Variants in DLGAP1 observed in about 807,000 individuals in gnomAD.
DLGAP1 encodes the protein disks large-associated protein 1.
In DLGAP1, 11 loss-of-function variants were observed where a neutral mutation model predicts 90.8. The ratio of observed to expected loss-of-function variants is 0.12; its 90% confidence interval spans 0.08 to 0.20. DLGAP1 has a LOEUF of 0.20. DLGAP1 is among the 10% of genes least tolerant of loss of function. DLGAP1 has a pLI of 1.00. For synonymous variants in DLGAP1, 558 were observed against 540.7 expected (o/e 1.03, Z -0.44); for missense variants, 1,050 against 1,333.8 (o/e 0.79, Z 3.31).
At chr18:3,745,133 A>G (rs1157313624) in intron 5 of DLGAP1, among the ~76,000 whole-genome samples, 1 of 152,240 alleles carries the variant, frequency 6.6e-6, no homozygotes, top group Non-Finnish European at 1.5e-5. Context: ...GAATAGGCAA[A>G]TCGCTAAAGA....
chr18:4,000,367 T>C (rs55789981), intron 3 of DLGAP1, among the ~76,000 whole-genome samples: 7,806 of 152,272 alleles, frequency 0.051, 260 homozygotes, highest in African/African-American at 0.073. Flanking sequence ...TCACAGAGCT[T>C]ATTCTACTTT....
rs567348666 is a variant in DLGAP1, at chr18:4,133,029, G to T, written c.-159+18151C>A. Reference sequence around the variant, plus strand: ...ACTTACTTTCTTCATCTTTGAAATGGGGGTAGAACTGTTTCAGCAAGATTT... The same window carrying T: ...ACTTACTTTCTTCATCTTTGAAATGTGGGTAGAACTGTTTCAGCAAGATTT... On this transcript the variant is annotated intron_variant, in intron 2 of 12. Coordinates refer to ENST00000315677, the MANE Select transcript of DLGAP1 (RefSeq NM_004746.4). Among the ~76,000 whole-genome samples the T allele has an allele frequency of 9.2e-4, 140 of 152,264 alleles. No individual in the cohort carries two copies. In the Middle Eastern group the frequency reaches 0.017, roughly 18 times the overall value.
At chr18:4,337,682 C>A (rs2081100580) in intron 1 of DLGAP1, among the ~76,000 whole-genome samples, 1 of 151,962 alleles carries the variant, frequency 6.6e-6, no homozygotes, top group Non-Finnish European at 1.5e-5. Flanking sequence ...AATTGACCAG[C>A]CGAAACCAAA....
chr18:4,205,923 G>C (rs1175122490), intron 1 of DLGAP1, among the ~76,000 whole-genome samples: 1 of 152,202 alleles, frequency 6.6e-6, no homozygotes, highest in African/African-American at 2.4e-5. Context: ...GATGGGCGTG[G>C]GGGTAGAGGG....
chr18:3,905,366 C>CAAAAAAA lies in DLGAP1; in HGVS notation c.-72-25233_-72-25227dup, dbSNP rs71160924. Among the ~76,000 whole-genome samples the CAAAAAAA allele has an allele frequency of 3.1e-3, 61 of 19,822 alleles. 1 individual carries two copies. Among genetic ancestry groups the CAAAAAAA allele is most frequent in the Non-Finnish European group, 3.9e-3 (43 of 11,064 alleles). 13.0% of individuals were successfully genotyped at this position (19,822 alleles called of 152,430 possible). A position where few individuals can be genotyped will look rare whatever the true frequency, so the allele number is the denominator to read the frequency against. ...TGGGCAACAGAGTGAGACTCCATCT[C>CAAAAAAA]AAAAAAAAAAAAAAAAAAAAAAAAA... On this transcript the variant is annotated intron_variant, in intron 3 of 12. Transcript: ENST00000315677.
chr18:4,404,278 T>C (rs1025369003), intron 1 of DLGAP1, among the ~76,000 whole-genome samples: 1 of 152,212 alleles, frequency 6.6e-6, no homozygotes, highest in Non-Finnish European at 1.5e-5. Flanking sequence ...TTAATAGCAT[T>C]AGATAACTCA....
chr18:3,949,875 T>C lies in DLGAP1; in HGVS notation c.-73+55241A>G, dbSNP rs968001846. 5.3e-5 allele frequency among the ~76,000 whole-genome samples: 8 copies of C among 151,672 alleles called. 1 individual carries two copies. The highest frequency in any genetic ancestry group is 5.3e-4 in the Admixed American group (8 of 15,236). On this transcript the variant is annotated intron_variant, in intron 3 of 12. Coordinates refer to ENST00000315677, the MANE Select transcript of DLGAP1 (RefSeq NM_004746.4). ...AATATATCTTATTGAAGACCACCTG[T>C]CTACACCTTTTTTAGTCCACATGAT... is the stretch of plus-strand genomic sequence containing the variant.
At chr18:3,754,723 C>CAAAAAAAAAA (rs1161245616) in intron 5 of DLGAP1, among the ~76,000 whole-genome samples, 3 of 58,764 alleles carry the variant, frequency 5.1e-5, no homozygotes, top group Admixed American at 2.3e-4. Flanking sequence ...TACTAAAATA[C>CAAAAAAAAAA]AAAAAAAAAA....
intron 3 of DLGAP1, among the ~76,000 whole-genome samples, chr18:3,892,828 G>T (rs544403844): frequency 6.6e-6 from 1 of 150,598 alleles, no homozygotes; most frequent in African/African-American, 2.4e-5. Flanking sequence ...TGCAATTCCT[G>T]TTCCATATTT....
chr18:4,042,612 C>T lies in DLGAP1; in HGVS notation c.-158-37411G>A, dbSNP rs564631749. Among the ~76,000 whole-genome samples the T allele has an allele frequency of 1.8e-4, 28 of 152,204 alleles. No individual in the cohort carries two copies. The South Asian group carries it at 5.0e-3, about 27-fold the overall frequency. ...AAATTAGCTGGTCAGGGGTGGCGTGCGCCTGTAGTCCTAGCTGTTCGGGAG... is the reference window on the plus strand; with the variant it reads ...AAATTAGCTGGTCAGGGGTGGCGTGTGCCTGTAGTCCTAGCTGTTCGGGAG... On this transcript the variant is annotated intron_variant, in intron 2 of 12. Transcript: ENST00000315677.
rs548518837 is a variant in DLGAP1 at position 4,084,691 on chromosome 18, C to T, written c.-159+66489G>A. The stretch of plus-strand genomic sequence containing the variant: ...TTCTCCACGATTATCTACTTATTTA[C>T]CAAACTTAGCATAAAAATACATGGG... On this transcript the variant is annotated intron_variant, in intron 2 of 12. Transcript: ENST00000315677. The surrounding 1 kb of genome is among the most constrained non-coding windows in gnomAD (Gnocchi z 4.0). 1.3e-5 allele frequency among the ~76,000 whole-genome samples: 2 copies of T among 152,300 alleles called. No homozygotes were observed. Among genetic ancestry groups the T allele is most frequent in the East Asian group, 1.9e-4 (1 of 5,190 alleles).
At chr18:3,710,264 T>G (rs1050371512) in intron 7 of DLGAP1, among the ~76,000 whole-genome samples, 2 of 152,090 alleles carry the variant, frequency 1.3e-5, no homozygotes, top group African/African-American at 4.8e-5. Context: ...TTAGGGAAAA[T>G]GATTTGAGGG....
At chr18:3,740,644 T>A (rs1473510829) in intron 6 of DLGAP1, among the ~76,000 whole-genome samples, 2 of 152,016 alleles carry the variant, frequency 1.3e-5, no homozygotes, top group Non-Finnish European at 2.9e-5. Flanking sequence ...AGCCTACCAT[T>A]TCATAATTTT....
At position 4,385,112 on chromosome 18, in the gene DLGAP1, A is replaced by T. The variant is rs147811052; in HGVS notation, c.-267+69894T>A. Among the ~76,000 whole-genome samples the T allele has an allele frequency of 1.5e-4, 23 of 152,292 alleles. No homozygotes were observed. In the East Asian group the frequency reaches 4.3e-3, roughly 28 times the overall value. Reference sequence around the variant, plus strand: ...AGCTTAGGCAGGCTGTACAGTAGGAAGGGAGGGTAGACTCAGAAATAGAAC... The same window carrying T: ...AGCTTAGGCAGGCTGTACAGTAGGATGGGAGGGTAGACTCAGAAATAGAAC... On this transcript the variant is annotated intron_variant, in intron 1 of 12. Transcript: ENST00000315677.
intron 1 of DLGAP1, among the ~76,000 whole-genome samples, chr18:4,160,360 A>C (rs1024779609): frequency 2.6e-5 from 4 of 152,150 alleles, no homozygotes; most frequent in Admixed American, 6.5e-5. Flanking sequence ...CTTTCTCTCC[A>C]TCCACTGGGC....
chr18:3,875,964 G>T (rs549289651), intron 4 of DLGAP1, among the ~76,000 whole-genome samples: 20 of 149,836 alleles, frequency 1.3e-4, no homozygotes, highest in Admixed American at 6.7e-4. Flanking sequence ...CTCTAATATT[G>T]AAGTTAAATC....
At chr18:3,695,470 C>T (rs1172561302) in intron 7 of DLGAP1, among the ~76,000 whole-genome samples, 1 of 152,140 alleles carries the variant, frequency 6.6e-6, no homozygotes. Context: ...ATCCTTTCCC[C>T]ATTGCTTGTT....
chr18:3,770,593 A>T (rs1049774063), intron 5 of DLGAP1, among the ~76,000 whole-genome samples: 1 of 152,238 alleles, frequency 6.6e-6, no homozygotes, highest in Admixed American at 6.5e-5. Flanking sequence ...TGAAATTTAT[A>T]CTTAGAGAAA....
rs188871684 is a variant in DLGAP1, at chr18:3,822,116, G to T, written c.958-7843C>A. 2.3e-3 allele frequency: 1,174 copies of T among 519,210 alleles called. 2 individuals are homozygous for T. Among genetic ancestry groups the T allele is most frequent in the Non-Finnish European group, 2.7e-3 (1,097 of 404,768 alleles). The allele number at this position is 519,210 out of a possible 1,614,324, so 32.2% of individuals were successfully genotyped here. A position where few individuals can be genotyped will look rare whatever the true frequency, so the allele number is the denominator to read the frequency against. ...GATTGTTGCTTCCCAATCAGGAGAA[G>T]ATTTCCCTGGCAACCGCCCTTTCTT... On this transcript the variant is annotated intron_variant, in intron 4 of 12. Transcript: ENST00000315677.
Sources: gnomAD v4.1 joint callset for allele counts (sites outside exome capture counted in the v4.1 genomes callset) on GRCh38, gnomAD v4.1.1 for gene constraint, Gnocchi (gnomAD v3.1) non-coding constraint, MANE v1.5 for transcripts, NCBI Gene and HGNC (gene_info 2026-07-23, HGNC 2026-07-21) for gene names.